Variants in FSHR observed in about 807,000 individuals in gnomAD.
FSHR encodes the protein follicle stimulating hormone receptor.
In FSHR, 46 loss-of-function variants were observed where a neutral mutation model predicts 52.1. The observed-to-expected ratio is 0.88, with a 90% confidence interval of 0.70 to 1.13. The LOEUF is 1.13. Among genes scored for constraint, FSHR ranks in the 50% most tolerant of loss-of-function variants. FSHR has a pLI of 0.00. For synonymous variants in FSHR, 399 were observed against 309.6 expected (o/e 1.29, Z -3.03); for missense variants, 964 against 834.6 (o/e 1.16, Z -1.91).
chr2:49,094,524 A>T (rs189819267), intron 1 of FSHR, among the ~76,000 whole-genome samples: 1 of 152,294 alleles, frequency 6.6e-6, no homozygotes, highest in East Asian at 1.9e-4. Context: ...ATTTTGAGAA[A>T]GCCTTATTTT....
At chr2:49,054,360 C>G (rs965064987) in intron 2 of FSHR, among the ~76,000 whole-genome samples, 1 of 152,058 alleles carries the variant, frequency 6.6e-6, no homozygotes, top group African/African-American at 2.4e-5. Context: ...CACCCACATC[C>G]TGAATCTAAG....
chr2:49,065,899 A>T (rs2104336359), intron 2 of FSHR, among the ~76,000 whole-genome samples: 1 of 152,162 alleles, frequency 6.6e-6, no homozygotes, highest in Middle Eastern at 3.4e-3. Flanking sequence ...CCCAGAAGTT[A>T]AGTGGGGAAA....
chr2:48,971,743 A>T (rs369770449), intron 8 of FSHR, among the ~76,000 whole-genome samples: 1 of 152,234 alleles, frequency 6.6e-6, no homozygotes, highest in South Asian at 2.1e-4. Context: ...AGTTTTGTCA[A>T]TTTTTGCCTT....
At chr2:49,112,620 C>A (rs1344119912) in intron 1 of FSHR, among the ~76,000 whole-genome samples, 1 of 152,144 alleles carries the variant, frequency 6.6e-6, no homozygotes, top group Non-Finnish European at 1.5e-5. Flanking sequence ...AGTAGCAGAT[C>A]ACTTTGTGAG....
Position 49,107,292 on chromosome 2 carries a change from T to G in FSHR, c.153-39002A>C, listed in dbSNP as rs140421395. On this transcript the variant is annotated intron_variant, in intron 1 of 9. Coordinates refer to ENST00000406846, the MANE Select transcript of FSHR (RefSeq NM_000145.4). The stretch of plus-strand genomic sequence containing the variant: ...TAGTTCTCATGGGGATTTCCTCTCT[T>G]CTTTTGAAATTTGTCTTCCATATGA... 3.3e-3 allele frequency among the ~76,000 whole-genome samples: 504 copies of G among 152,196 alleles called. 5 individuals are homozygous for G. The highest frequency in any genetic ancestry group is 0.011 in the African/African-American group (466 of 41,534).
intron 2 of FSHR, chr2:49,059,575 T>C (rs564739352): frequency 3.3e-5 from 5 of 152,632 alleles, no homozygotes; most frequent in Non-Finnish European, 7.3e-5. Context: ...TATCCACATG[T>C]AGAAGACTGA....
intron 1 of FSHR, among the ~76,000 whole-genome samples, chr2:49,105,493 G>T (rs1403598914): frequency 6.6e-6 from 1 of 151,926 alleles, no homozygotes; most frequent in Non-Finnish European, 1.5e-5. Context: ...AAAAAACAAA[G>T]GTTGGCAATT....
At chr2:49,048,311 C>A (rs11125198) in intron 2 of FSHR, among the ~76,000 whole-genome samples, 85,377 of 151,664 alleles carry the variant, frequency 0.56, 24,222 homozygotes, top group East Asian at 0.71. Context: ...AGAAAAAAAA[C>A]CTGGGGCTCT....
Position 49,130,725 on chromosome 2 carries a change from T to A in FSHR, c.152+23541A>T, listed in dbSNP as rs544738072. On this transcript the variant is annotated intron_variant, in intron 1 of 9. Coordinates refer to ENST00000406846, the MANE Select transcript of FSHR (RefSeq NM_000145.4). Reference sequence around the variant, plus strand: ...CTTAAGGGTCTCCTCCTTTAAACAATCTTTAGGAAAATGACATTCACCCAG... The same window carrying A: ...CTTAAGGGTCTCCTCCTTTAAACAAACTTTAGGAAAATGACATTCACCCAG... 8.5e-5 allele frequency among the ~76,000 whole-genome samples: 13 copies of A among 152,318 alleles called. No individual in the cohort carries two copies. In the South Asian group the frequency reaches 2.3e-3, roughly 27 times the overall value.
At chr2:49,050,659 C>T (rs934001162) in intron 2 of FSHR, among the ~76,000 whole-genome samples, 1 of 152,130 alleles carries the variant, frequency 6.6e-6, no homozygotes, top group Admixed American at 6.5e-5. Context: ...TTGTGAATGT[C>T]AGTATCCCTG....
chr2:49,009,501 G>T (rs1487933944), intron 4 of FSHR, among the ~76,000 whole-genome samples: 1 of 132,598 alleles, frequency 7.5e-6, no homozygotes, highest in Non-Finnish European at 1.6e-5. Flanking sequence ...GATTGACTTG[G>T]TGATGCGGGC....
At chr2:48,997,241 A>G (rs1160428020) in intron 4 of FSHR, 2 of 985,042 alleles carry the variant, frequency 2.0e-6, no homozygotes, top group Admixed American at 6.2e-5. Context: ...GTGAGACAGT[A>G]GGAAAGCCTG....
intron 1 of FSHR, among the ~76,000 whole-genome samples, chr2:49,093,522 G>C (rs1487438437): frequency 6.6e-6 from 1 of 150,554 alleles, no homozygotes; most frequent in East Asian, 1.9e-4. Context: ...CTTTTGATTT[G>C]TGTTTACATG....
intron 1 of FSHR, among the ~76,000 whole-genome samples, chr2:49,107,792 A>G (rs984994918): frequency 2.6e-5 from 4 of 152,148 alleles, no homozygotes; most frequent in African/African-American, 7.2e-5. Context: ...TCACAAATTC[A>G]CACAATTTCT....
chr2:49,118,982 T>C (rs900294025), intron 1 of FSHR, among the ~76,000 whole-genome samples: 14 of 152,238 alleles, frequency 9.2e-5, no homozygotes, highest in African/African-American at 3.4e-4. Flanking sequence ...TTTTCCCACT[T>C]GTCCTTGCAT....
intron 2 of FSHR, among the ~76,000 whole-genome samples, chr2:49,050,001 A>G (rs368913969): frequency 2.6e-5 from 4 of 152,088 alleles, no homozygotes; most frequent in African/African-American, 9.7e-5. Context: ...AAATAGGGAG[A>G]CTTAATGGAA....
intron 2 of FSHR, among the ~76,000 whole-genome samples, chr2:49,063,648 A>G (rs1050309469): frequency 6.6e-6 from 1 of 152,128 alleles, no homozygotes; most frequent in African/African-American, 2.4e-5. Flanking sequence ...AGAGTAGAAT[A>G]GTGGTTATTG....
chr2:49,006,105 C>T (rs780479084), intron 4 of FSHR, among the ~76,000 whole-genome samples: 4 of 152,112 alleles, frequency 2.6e-5, no homozygotes, highest in Non-Finnish European at 5.9e-5. Context: ...GACTGGCTTC[C>T]TTGCTCCTCA....
At position 49,006,737 on chromosome 2, in the gene FSHR, G is replaced by T. The variant is rs139444115; in HGVS notation, c.374+10752C>A. On this transcript the variant is annotated intron_variant, in intron 4 of 9. Transcript: ENST00000406846. ...GGTATTGCTATTTCCAGGGGTTAAC[G>T]TTTGATAGACTTTTCTCCCCAAAGG... 3.1e-3 allele frequency among the ~76,000 whole-genome samples: 469 copies of T among 152,190 alleles called. 2 individuals carry two copies. The highest frequency in any genetic ancestry group is 0.011 in the African/African-American group (448 of 41,544).
Sources: gnomAD v4.1 joint callset for allele counts (sites outside exome capture counted in the v4.1 genomes callset) on GRCh38, gnomAD v4.1.1 for gene constraint, MANE v1.5 for transcripts, NCBI Gene and HGNC (gene_info 2026-07-23, HGNC 2026-07-21) for gene names.